KCNMB2: variants seen among roughly 807,000 people sequenced by gnomAD.
The protein encoded by KCNMB2 is calcium-activated potassium channel subunit beta-2.
KCNMB2 carries 9 observed loss-of-function variants against 24.5 expected under a neutral mutation model. That is an observed-to-expected ratio of 0.37 (90% CI 0.22 to 0.64). The LOEUF is 0.64. Ranked by LOEUF, KCNMB2 falls within the 30% of genes least tolerant of loss-of-function variation. The pLI, the probability that KCNMB2 is intolerant of heterozygous loss-of-function variation, is 0.63. For synonymous variants in KCNMB2, 109 were observed against 104.4 expected, an observed-to-expected ratio of 1.04 and a Z score of -0.27; for missense variants, 226 against 284.3, an observed-to-expected ratio of 0.79 and a Z score of 1.47.
At chr3:178,613,004 C>CA (rs1339902457) in intron 1 of KCNMB2, among the ~76,000 whole-genome samples, 4 of 152,000 alleles carry the variant, frequency 2.6e-5, no homozygotes, top group Admixed American at 1.3e-4. Flanking sequence ...TTTGCATAAA[C>CA]AAAAAACAAA....
At chr3:178,614,293 A>ATATG (rs1206572047) in intron 1 of KCNMB2, among the ~76,000 whole-genome samples, 158 of 85,920 alleles carry the variant, frequency 1.8e-3, no homozygotes, top group Middle Eastern at 6.8e-3. Context: ...ATATATATAT[A>ATATG]TATGTATGTA....
intron 1 of KCNMB2, among the ~76,000 whole-genome samples, chr3:178,575,312 G>T (rs931008753): frequency 1.3e-5 from 2 of 152,048 alleles, no homozygotes; most frequent in Non-Finnish European, 2.9e-5. Flanking sequence ...GGGGTAGGGG[G>T]TTATGTCACA....
intron 2 of KCNMB2, among the ~76,000 whole-genome samples, chr3:178,816,467 A>T (rs1714407464): frequency 1.3e-5 from 2 of 151,786 alleles, no homozygotes; most frequent in African/African-American, 4.8e-5. Context: ...TAGTTCATCT[A>T]TTTCATTTAT....
intron 1 of KCNMB2, among the ~76,000 whole-genome samples, chr3:178,743,327 G>T (rs1445410469): frequency 6.6e-6 from 1 of 152,120 alleles, no homozygotes; most frequent in Non-Finnish European, 1.5e-5. Flanking sequence ...AACAGATTAC[G>T]ATGGTAACCT....
In KCNMB2 at chr3:178,686,125, A is replaced by G. The variant is rs112545308; in HGVS notation, c.-67-121218A>G. Reference sequence around the variant, plus strand: ...AGTAAACTCACTTTTTAGTATAGATAGGATGAGAAATATGTTTTTCTCACC... The same window carrying G: ...AGTAAACTCACTTTTTAGTATAGATGGGATGAGAAATATGTTTTTCTCACC... On this transcript the variant is annotated intron_variant, in intron 1 of 4. Transcript: ENST00000452583. 1.7e-3 allele frequency among the ~76,000 whole-genome samples: 253 copies of G among 152,376 alleles called. 1 individual carries two copies. Among genetic ancestry groups the G allele is most frequent in the African/African-American group, 5.8e-3 (242 of 41,594 alleles).
rs183319061 is a variant in KCNMB2 at position 178,657,805 on chromosome 3, G to T, written c.-68+121094G>T. On this transcript the variant is annotated intron_variant, in intron 1 of 4. Transcript: ENST00000452583. Reference sequence around the variant, plus strand: ...ACATGGCAGATGGCATCACATGGAAGGAGCATGTTCAAAAGAGAACAAACA... The same window carrying T: ...ACATGGCAGATGGCATCACATGGAATGAGCATGTTCAAAAGAGAACAAACA... Among the ~76,000 whole-genome samples, 7 of 152,298 alleles carry T rather than the reference G, an allele frequency of 4.6e-5. No homozygotes were observed. In the East Asian group the frequency reaches 1.2e-3, roughly 25 times the overall value.
intron 1 of KCNMB2, among the ~76,000 whole-genome samples, chr3:178,688,355 A>G (rs1721542091): frequency 1.3e-5 from 2 of 152,172 alleles, no homozygotes; most frequent in East Asian, 1.9e-4. Context: ...TTTGTCATCA[A>G]ATCTTATTGA....
chr3:178,694,961 A>G (rs1721821895), intron 1 of KCNMB2, among the ~76,000 whole-genome samples: 1 of 152,166 alleles, frequency 6.6e-6, no homozygotes, highest in East Asian at 1.9e-4. Flanking sequence ...CCAACCCCAG[A>G]TTTCCCTTCT....
chr3:178,778,367 A>C (rs2108428290), intron 1 of KCNMB2, among the ~76,000 whole-genome samples: 1 of 152,218 alleles, frequency 6.6e-6, no homozygotes, highest in African/African-American at 2.4e-5. Context: ...TAGCCAACTC[A>C]AAGCCACATG....
At chr3:178,825,524 C>G in intron 2 of KCNMB2, 64 bp from the exon 3 acceptor site, 1 of 1,433,108 alleles carries the variant, frequency 7.0e-7, no homozygotes. Context: ...AGAAACTGAC[C>G]TGCTCTCTAG....
intron 1 of KCNMB2, among the ~76,000 whole-genome samples, chr3:178,581,912 A>T (rs1577026371): frequency 6.6e-6 from 1 of 152,082 alleles, no homozygotes. Flanking sequence ...CACTGTTGGT[A>T]GGAGTGTATA....
At chr3:178,834,148 A>G (rs1364958295) in intron 4 of KCNMB2, among the ~76,000 whole-genome samples, 3 of 152,162 alleles carry the variant, frequency 2.0e-5, no homozygotes, top group Non-Finnish European at 4.4e-5. Context: ...GCATAATACT[A>G]TATATCTGTT....
chr3:178,693,675 T>C (rs1721764780), intron 1 of KCNMB2, among the ~76,000 whole-genome samples: 1 of 152,200 alleles, frequency 6.6e-6, no homozygotes, highest in African/African-American at 2.4e-5. Flanking sequence ...GATTTTTACA[T>C]TGATATTCAT....
intron 1 of KCNMB2, among the ~76,000 whole-genome samples, chr3:178,665,337 T>C (rs550362909): frequency 1.2e-4 from 18 of 152,294 alleles, no homozygotes; most frequent in African/African-American, 4.3e-4. Flanking sequence ...TTTTGTTTTC[T>C]TTTAGATTTC....
intron 1 of KCNMB2, among the ~76,000 whole-genome samples, chr3:178,731,226 T>A (rs902339663): frequency 6.6e-6 from 1 of 152,168 alleles, no homozygotes; most frequent in Non-Finnish European, 1.5e-5. Context: ...TCATACCATT[T>A]CTATATGACT....
intron 1 of KCNMB2, among the ~76,000 whole-genome samples, chr3:178,550,329 G>C (rs907795724): frequency 6.6e-6 from 1 of 151,364 alleles, no homozygotes; most frequent in African/African-American, 2.4e-5. Context: ...ATGGTGGCGG[G>C]CACCTGTAGT....
intron 1 of KCNMB2, chr3:178,729,238 T>C (rs1028089010): frequency 1.3e-5 from 2 of 152,184 alleles, no homozygotes; most frequent in African/African-American, 4.8e-5. Context: ...ACAGAGTAAG[T>C]TAATAAGTCA....
chr3:178,604,596 T>C (rs773859561), intron 1 of KCNMB2, among the ~76,000 whole-genome samples: 3 of 152,198 alleles, frequency 2.0e-5, no homozygotes, highest in Non-Finnish European at 4.4e-5. Context: ...TAAAGAAATA[T>C]AAATGGAATT....
At chr3:178,641,742 C>T (rs1478876939) in intron 1 of KCNMB2, among the ~76,000 whole-genome samples, 1 of 151,964 alleles carries the variant, frequency 6.6e-6, no homozygotes, top group African/African-American at 2.4e-5. Context: ...TTTCCTTGTT[C>T]CCTAGAGGAA....
Sources: gnomAD v4.1 joint callset for allele counts (sites outside exome capture counted in the v4.1 genomes callset) on GRCh38, gnomAD v4.1.1 for gene constraint, MANE v1.5 for transcripts, NCBI Gene and HGNC (gene_info 2026-07-23, HGNC 2026-07-21) for gene names.